R3HDM1: variants seen among roughly 807,000 people sequenced by gnomAD.
R3HDM1 encodes R3H domain containing 1.
A neutral mutation model predicts 141.1 loss-of-function variants in R3HDM1; 46 were observed. That is an observed-to-expected ratio of 0.33 (90% CI 0.26 to 0.42). The LOEUF (loss-of-function observed/expected upper bound fraction) is 0.42, where lower values mean the gene tolerates loss of function less well. Among genes scored for constraint, R3HDM1 ranks in the 10% least tolerant of loss-of-function variants. The probability of loss-of-function intolerance (pLI) is 1.00; values close to 1 mark genes in which losing one functional copy is unlikely to be tolerated. For synonymous variants in R3HDM1, 435 were observed against 472.9 expected (o/e 0.92, Z 1.04); for missense variants, 1,184 against 1,368.3 (o/e 0.87, Z 2.12).
intron 14 of R3HDM1, 124 bp downstream of exon 14, chr2:135,639,246 G>T: frequency 1.1e-6 from 1 of 885,422 alleles, no homozygotes; most frequent in Non-Finnish European, 1.7e-6. Flanking sequence ...ATAGTACCTT[G>T]ACCACCTCCG....
At chr2:135,617,668 ATC>A (rs1321280255) in intron 5 of R3HDM1, among the ~76,000 whole-genome samples, 2 of 152,076 alleles carry the variant, frequency 1.3e-5, no homozygotes, top group Non-Finnish European at 2.9e-5. Context: ...CTATGGGTTG[ATC>A]TCTGTCTCAT....
chr2:135,683,566 A>AC (rs2070726333), intron 21 of R3HDM1, among the ~76,000 whole-genome samples: 3 of 137,116 alleles, frequency 2.2e-5, no homozygotes, highest in South Asian at 5.2e-4. Context: ...AAAAAAAAAA[A>AC]AAAAAATTCA....
chr2:135,692,792 C>A (rs915241348), intron 21 of R3HDM1, among the ~76,000 whole-genome samples: 2 of 151,984 alleles, frequency 1.3e-5, no homozygotes, highest in African/African-American at 4.8e-5. Flanking sequence ...GTGGTGGCAC[C>A]CTCAGCTGTG....
At chr2:135,629,721 T>C (rs186330449) in intron 7 of R3HDM1, among the ~76,000 whole-genome samples, 3 of 152,236 alleles carry the variant, frequency 2.0e-5, no homozygotes, top group Admixed American at 2.0e-4. Flanking sequence ...TGAGTTCAGG[T>C]CAGGAGATGA....
chr2:135,670,550 C>T, intron 19 of R3HDM1: 1 of 332,456 alleles, frequency 3.0e-6, no homozygotes, highest in Non-Finnish European at 4.3e-6. Context: ...TCATATAACC[C>T]CATTTCTATA....
At chr2:135,677,356 A>G (rs1414357702) in intron 20 of R3HDM1, among the ~76,000 whole-genome samples, 1 of 152,184 alleles carries the variant, frequency 6.6e-6, no homozygotes, top group Non-Finnish European at 1.5e-5. Flanking sequence ...GAGCCTAGGC[A>G]CATGAGCCTG....
intron 19 of R3HDM1, among the ~76,000 whole-genome samples, chr2:135,667,395 T>TTA (rs5834445): frequency 3.9e-4 from 58 of 150,384 alleles, no homozygotes; most frequent in African/African-American, 1.3e-3. Context: ...GGTAGTGTTT[T>TTA]AAAAAAAAAA....
At chr2:135,691,159 A>G (rs2072311310) in intron 21 of R3HDM1, among the ~76,000 whole-genome samples, 1 of 152,224 alleles carries the variant, frequency 6.6e-6, no homozygotes, top group Non-Finnish European at 1.5e-5. Flanking sequence ...CAAGTGTTTG[A>G]TGACAAATCA....
intron 1 of R3HDM1, chr2:135,534,020 C>T (rs1695507362): frequency 1.0e-6 from 1 of 985,224 alleles, no homozygotes; most frequent in Non-Finnish European, 1.2e-6. Flanking sequence ...GGTGTTGTTG[C>T]AGCCTTAGAA....
intron 1 of R3HDM1, among the ~76,000 whole-genome samples, chr2:135,546,988 G>A: frequency 6.6e-6 from 1 of 152,092 alleles, no homozygotes. Context: ...TGTTTTGAAG[G>A]ACATTATAAA....
rs369764632 is a variant in R3HDM1, at chr2:135,583,661, G to C, written c.-249-18839G>C. Reference sequence around the variant, plus strand: ...TTTTAAAAATTGTTACCCTAAGATGGCCCTTGGCTATAGTAATCATTTGCT... The same window carrying C: ...TTTTAAAAATTGTTACCCTAAGATGCCCCTTGGCTATAGTAATCATTTGCT... On this transcript the variant is annotated intron_variant, in intron 1 of 26. Coordinates refer to ENST00000683871, the MANE Select transcript of R3HDM1 (RefSeq NM_001378107.1). The C allele has an allele frequency of 1.7e-4, 149 of 862,002 alleles. 1 individual carries two copies. The African/African-American group carries it at 2.1e-3, about 12-fold the overall frequency. The allele number at this position is 862,002 out of a possible 1,614,324, so 53.4% of individuals were successfully genotyped here.
rs3050151 is a variant in R3HDM1 at position 135,535,499 on chromosome 2, AAAATAAATAAAT to A, written c.-250+3900_-250+3911del. Among the ~76,000 whole-genome samples the A allele has an allele frequency of 4.8e-3, 685 of 143,838 alleles. 5 individuals are homozygous for A. The highest frequency in any genetic ancestry group is 0.013 in the African/African-American group (495 of 37,458). The allele number at this position is 143,838 out of a possible 152,430, so 94.4% of individuals were successfully genotyped here. On this transcript the variant is annotated intron_variant, in intron 1 of 26. Transcript: ENST00000683871. The stretch of plus-strand genomic sequence containing the variant: ...GGCGACAGAGCAAGACTTTGTCTCA[AAAATAAATAAAT>A]AAATAAATAAATAAATAAATAAATA...
chr2:135,636,272 TTTATTTTTAA>T, intron 11 of R3HDM1, 89 bp downstream of exon 11: 1 of 1,482,532 alleles, frequency 6.7e-7, no homozygotes, highest in East Asian at 2.3e-5. Context: ...ATTGATCACA[TTTATTTTTAA>T]TCACATTTGT....
chr2:135,543,258 T>C (rs1698004315), intron 1 of R3HDM1: 1 of 227,082 alleles, frequency 4.4e-6, no homozygotes, highest in Non-Finnish European at 7.3e-6. Flanking sequence ...CTTGGCACTG[T>C]AGTTGAAAAT....
intron 19 of R3HDM1, 34 bp downstream of exon 19, chr2:135,661,427 C>T: frequency 1.2e-6 from 2 of 1,606,700 alleles, no homozygotes; most frequent in Non-Finnish European, 8.5e-7. Flanking sequence ...AACTTCTGAG[C>T]CACACTTTTT....
Position 135,709,490 on chromosome 2 carries a change from C to A in R3HDM1, c.2517C>A (p.Thr839=). The part of the protein sequence containing the change: ...PGSEQVQFPR[T]TSPCSSQQLQ... ...CAGAACAAGTACAATTTCCTCGAAC[C>A]ACTTCACCATGCAGTTCCCAGCAGC... The change falls in exon 22 of 27, where the codon ACC becomes ACA. Residue 839 remains threonine (T), a synonymous_variant. Coordinates refer to ENST00000683871, the MANE Select transcript of R3HDM1 (RefSeq NM_001378107.1). 1 of 1,614,156 alleles carries A rather than the reference C, an allele frequency of 6.2e-7. No homozygotes were observed. Among genetic ancestry groups the A allele is most frequent in the Non-Finnish European group, 8.5e-7 (1 of 1,180,024 alleles).
chr2:135,595,685 T>C (rs1710491704), intron 1 of R3HDM1, among the ~76,000 whole-genome samples: 1 of 152,232 alleles, frequency 6.6e-6, no homozygotes, highest in African/African-American at 2.4e-5. Context: ...GTCTCTGCAC[T>C]AGAATGTAAG....
chr2:135,661,724 G>C (rs1377823947), intron 19 of R3HDM1, among the ~76,000 whole-genome samples: 1 of 152,180 alleles, frequency 6.6e-6, no homozygotes, highest in African/African-American at 2.4e-5. Flanking sequence ...CAAAAGAGAG[G>C]CAAGGCGAGG....
rs1020878908 is a variant in R3HDM1, at chr2:135,576,007, A to G, written c.-249-26493A>G. On this transcript the variant is annotated intron_variant, in intron 1 of 26. Coordinates refer to ENST00000683871, the MANE Select transcript of R3HDM1 (RefSeq NM_001378107.1). Reference sequence around the variant, plus strand: ...TTAAAACATATACTATAAAGCTTCTATAATTGAATCTGTGTGCTACTGTCA... The same window carrying G: ...TTAAAACATATACTATAAAGCTTCTGTAATTGAATCTGTGTGCTACTGTCA... Among the ~76,000 whole-genome samples, 6 of 152,218 alleles carry G rather than the reference A, an allele frequency of 3.9e-5. No homozygotes were observed. The East Asian group carries it at 9.6e-4, about 24-fold the overall frequency.
Sources: gnomAD v4.1 joint callset for allele counts (sites outside exome capture counted in the v4.1 genomes callset) on GRCh38, gnomAD v4.1.1 for gene constraint, MANE v1.5 for transcripts, NCBI Gene and HGNC (gene_info 2026-07-23, HGNC 2026-07-21) for gene names.